Variants in TIFAB observed in about 807,000 individuals in gnomAD.
TIFAB encodes the protein TRAF-interacting protein with FHA domain-containing protein B.
For missense variants in TIFAB, 222 were observed against 203.6 expected, an observed-to-expected ratio of 1.09 and a Z score of -0.55; for synonymous variants, 116 against 95.2, an observed-to-expected ratio of 1.22 and a Z score of -1.27.
At position 135,450,074 on chromosome 5, in the gene TIFAB, G is replaced by A. The variant is rs114130971; in HGVS notation, c.-10-125C>T. On this transcript the variant is annotated intron_variant, in intron 1 of 1. Transcript: ENST00000537858. The stretch of plus-strand genomic sequence containing the variant: ...CTGTTCATACAATCACTCTGCCCAA[G>A]CCAGGATGGAGCCAAGGCTGGAATT... The A allele has an allele frequency of 1.4e-3, 1,808 of 1,310,434 alleles. 29 individuals are homozygous for A. In the African/African-American group the frequency reaches 0.024, roughly 18 times the overall value. 81.2% of individuals were successfully genotyped at this position (1,310,434 alleles called of 1,614,324 possible).
At position 135,444,291 on chromosome 5, in the gene TIFAB, C is replaced by G. The variant is rs558237424; in HGVS notation, c.*5163G>C. 1 of 152,352 alleles carries G rather than the reference C, an allele frequency of 6.6e-6. No homozygotes were observed. Among genetic ancestry groups the G allele is most frequent in the Non-Finnish European group, 1.5e-5 (1 of 68,042 alleles). 9.4% of individuals were successfully genotyped at this position (152,352 alleles called of 1,614,324 possible). The stretch of plus-strand genomic sequence containing the variant: ...AAAGGTAAGAGGAATCACAGCCCTG[C>G]AATTCAAATAGGGTTCATTAAATTC... On this transcript the variant is annotated 3_prime_UTR_variant, in exon 2 of 2. Transcript: ENST00000537858.
chr5:135,444,369 G>A lies in TIFAB; in HGVS notation c.*5085C>T, dbSNP rs1385174773. 1 of 152,304 alleles carries A rather than the reference G, an allele frequency of 6.6e-6. No homozygotes were observed. Among genetic ancestry groups the A allele is most frequent in the Non-Finnish European group, 1.5e-5 (1 of 68,082 alleles). 9.4% of individuals were successfully genotyped at this position (152,304 alleles called of 1,614,324 possible). A position where few individuals can be genotyped will look rare whatever the true frequency, so the allele number is the denominator to read the frequency against. ...GTTTACTCCTCCCACAGTCTTGGATGGGTTTTGAGGGTCTGGTGCGGTGTC... is the reference window on the plus strand; with the variant it reads ...GTTTACTCCTCCCACAGTCTTGGATAGGTTTTGAGGGTCTGGTGCGGTGTC... On this transcript the variant is annotated 3_prime_UTR_variant, in exon 2 of 2. Transcript: ENST00000537858.
Position 135,446,783 on chromosome 5 carries a change from G to C in TIFAB, c.*2671C>G. The C allele has an allele frequency of 6.2e-7, 1 of 1,613,960 alleles. No homozygotes were observed. The highest frequency in any genetic ancestry group is 8.5e-7 in the Non-Finnish European group (1 of 1,179,852). ...TCTGCTGCTATGCAGTTCATCCTGG[G>C]TCCCTGAGGGCCTCGCAGATGCTTC... is the stretch of plus-strand genomic sequence containing the variant. On this transcript the variant is annotated 3_prime_UTR_variant, in exon 2 of 2. Coordinates refer to ENST00000537858, the MANE Select transcript of TIFAB (RefSeq NM_001099221.2).
In TIFAB at chr5:135,449,679, A is replaced by T; in HGVS notation, c.261T>A (p.Asn87Lys). ...ALSRKGCVWV[N>K]GLTLRYLEQV... ...GCTCCAGGTACCTCAGCGTCAGCCC[A>T]TTGACCCACACACAGCCCTTGCGGC... Residue 87 changes from asparagine (N) to lysine (K), a missense_variant, in exon 2 of 2, where the codon AAT becomes AAA. Asn to Lys is a moderately conservative substitution (Grantham distance 94). Coordinates refer to ENST00000537858, the MANE Select transcript of TIFAB (RefSeq NM_001099221.2). The T allele has an allele frequency of 2.5e-6, 4 of 1,614,160 alleles. No homozygotes were observed. The highest frequency in any genetic ancestry group is 3.4e-6 in the Non-Finnish European group (4 of 1,180,050).
chr5:135,447,198 C>T lies in TIFAB; in HGVS notation c.*2256G>A, dbSNP rs919119813. Reference sequence around the variant, plus strand: ...GGCTTCTTCTCCTTGCCAGCCCTACCAGGGCATCTCCCATTATACTAACCC... The same window carrying T: ...GGCTTCTTCTCCTTGCCAGCCCTACTAGGGCATCTCCCATTATACTAACCC... On this transcript the variant is annotated 3_prime_UTR_variant, in exon 2 of 2. Transcript: ENST00000537858. The T allele has an allele frequency of 6.6e-7, 1 of 1,517,780 alleles. No individual in the cohort carries two copies. The highest frequency in any genetic ancestry group is 9.1e-7 in the Non-Finnish European group (1 of 1,104,118). The allele number at this position is 1,517,780 out of a possible 1,614,324, so 94.0% of individuals were successfully genotyped here. A position where few individuals can be genotyped will look rare whatever the true frequency, so the allele number is the denominator to read the frequency against.
At chr5:135,450,161 G>C (rs1290508739) in intron 1 of TIFAB, among the ~76,000 whole-genome samples, 1 of 152,216 alleles carries the variant, frequency 6.6e-6, no homozygotes, top group East Asian at 1.9e-4. Flanking sequence ...CACCCACTCT[G>C]TCTGACTTTT....
chr5:135,449,480 C>T lies in TIFAB; in HGVS notation c.460G>A (p.Gly154Arg), dbSNP rs780085168. ...ETDEWEGISQ[G>R]QPPPGSG ...TACCCTGAACCAGGGGGAGGCTGCC[C>T]CTGGGAGATGCCTTCCCATTCGTCA... Residue 154 changes from glycine to arginine, a missense_variant, in exon 2 of 2, where the codon GGG becomes AGG. Transcript: ENST00000537858. 1.2e-6 allele frequency: 2 copies of T among 1,614,076 alleles called. No homozygotes were observed. Among genetic ancestry groups the T allele is most frequent in the Non-Finnish European group, 1.7e-6 (2 of 1,180,038 alleles).
Position 135,449,730 on chromosome 5 carries a change from C to A in TIFAB, c.210G>T (p.Leu70=). ...TCAGGGCCTTGAGGCAGAAGGCCAGCAGGGCACTGCCTTTCTCCAGGTAGG... is the reference window on the plus strand; with the variant it reads ...TCAGGGCCTTGAGGCAGAAGGCCAGAAGGGCACTGCCTTTCTCCAGGTAGG... ...LEPYLEKGSA[L]LAFCLKALSR... The change falls in exon 2 of 2, where the codon CTG becomes CTT. Residue 70 remains leucine, a synonymous_variant. Transcript: ENST00000537858. 6 of 1,614,058 alleles carry A rather than the reference C, an allele frequency of 3.7e-6. No individual in the cohort carries two copies. The highest frequency in any genetic ancestry group is 5.1e-6 in the Non-Finnish European group (6 of 1,180,004).
In TIFAB at chr5:135,446,649, C is replaced by T. The variant is rs766851311; in HGVS notation, c.*2805G>A. On this transcript the variant is annotated 3_prime_UTR_variant, in exon 2 of 2. Coordinates refer to ENST00000537858, the MANE Select transcript of TIFAB (RefSeq NM_001099221.2). ...ACTGCCTTAAAAACTTGGTACAGGG[C>T]AAGGTGTGAGTTTCCCGGTGAGACT... The T allele has an allele frequency of 1.2e-6, 2 of 1,613,900 alleles. No individual in the cohort carries two copies. The highest frequency in any genetic ancestry group is 2.7e-5 in the African/African-American group (2 of 74,932).
Position 135,447,104 on chromosome 5 carries a change from T to C in TIFAB, c.*2350A>G. ...CTGTATGTGGGTTGCTGCTCCGTAA[T>C]GCATAGTTGGGGGACCATTTTGGTC... On this transcript the variant is annotated 3_prime_UTR_variant, in exon 2 of 2. Coordinates refer to ENST00000537858, the MANE Select transcript of TIFAB (RefSeq NM_001099221.2). 1 of 1,614,048 alleles carries C rather than the reference T, an allele frequency of 6.2e-7. No homozygotes were observed. Among genetic ancestry groups the C allele is most frequent in the Non-Finnish European group, 8.5e-7 (1 of 1,179,912 alleles).
rs764517840 is a variant in TIFAB, at chr5:135,447,343, G to A, written c.*2111C>T. On this transcript the variant is annotated 3_prime_UTR_variant, in exon 2 of 2. Coordinates refer to ENST00000537858, the MANE Select transcript of TIFAB (RefSeq NM_001099221.2). Reference sequence around the variant, plus strand: ...TCACAGAGCACAGGTAAGCCCTTGGGTTCTGGAGCCAGCTTACTGGGGTGT... The same window carrying A: ...TCACAGAGCACAGGTAAGCCCTTGGATTCTGGAGCCAGCTTACTGGGGTGT... The A allele has an allele frequency of 4.6e-4, 269 of 586,020 alleles. No homozygotes were observed. Among genetic ancestry groups the A allele is most frequent in the Non-Finnish European group, 7.0e-4 (227 of 325,164 alleles). 36.3% of individuals were successfully genotyped at this position (586,020 alleles called of 1,614,324 possible). A position where few individuals can be genotyped will look rare whatever the true frequency, so the allele number is the denominator to read the frequency against.
rs748670770 is a variant in TIFAB at position 135,449,785 on chromosome 5, C to G, written c.155G>C (p.Arg52Pro). The change falls in exon 2 of 2, where the codon CGC becomes CCC. Residue 52 changes from arginine to proline, a missense_variant. Physicochemically the swap from Arg to Pro is moderately radical, Grantham distance 103 (BLOSUM62 -2). Transcript: ENST00000537858. ...QDAHLQLQLP[R>P]LSRRHLSLEP... ...CAGGGACAGGTGACGGCGGGAGAGG[C>G]GAGGGAGCTGCAGCTGGAGGTGGGC... The G allele has an allele frequency of 3.1e-6, 5 of 1,610,970 alleles. No individual in the cohort carries two copies. The East Asian group carries it at 6.7e-5, about 22-fold the overall frequency.
chr5:135,446,168 T>C lies in TIFAB; in HGVS notation c.*3286A>G. On this transcript the variant is annotated 3_prime_UTR_variant, in exon 2 of 2. Transcript: ENST00000537858. ...GGTAAGTACTGTGAACTTTCCCGTT[T>C]TCTACAAGAAGAAACTGTGGCACGG... 1.7e-6 allele frequency: 1 copy of C among 603,132 alleles called. No individual in the cohort carries two copies. Among genetic ancestry groups the C allele is most frequent in the Non-Finnish European group, 2.7e-6 (1 of 363,724 alleles). 37.4% of individuals were successfully genotyped at this position (603,132 alleles called of 1,614,324 possible). A position where few individuals can be genotyped will look rare whatever the true frequency, so the allele number is the denominator to read the frequency against.
At position 135,446,479 on chromosome 5, in the gene TIFAB, T is replaced by C; in HGVS notation, c.*2975A>G. ...TCTGGCTGTCTGAGCAGGTGAGGGA[T>C]AGTGATATCAAGTGCGAAGACCAGG... On this transcript the variant is annotated 3_prime_UTR_variant, in exon 2 of 2. Transcript: ENST00000537858. The C allele has an allele frequency of 2.5e-6, 4 of 1,613,858 alleles. No homozygotes were observed. The highest frequency in any genetic ancestry group is 2.5e-6 in the Non-Finnish European group (3 of 1,179,856).
In TIFAB at chr5:135,449,518, T is replaced by A; in HGVS notation, c.422A>T (p.Glu141Val). The change falls in exon 2 of 2, where the codon GAG (glutamate) becomes GTG (valine). Residue 141 changes from glutamate to valine, a missense_variant. By Grantham distance (121) the Glu-to-Val change is moderately radical (BLOSUM62 -2). Transcript: ENST00000537858. ...TTCCCATTCGTCAGTTTCCTCAGCC[T>A]CAGGTCTGTAAATCAGGGGTGAAGG... ...VSPSPLIYRP[E>V]AEETDEWEGI... 1 of 1,614,168 alleles carries A rather than the reference T, an allele frequency of 6.2e-7. No individual in the cohort carries two copies. Among genetic ancestry groups the A allele is most frequent in the Non-Finnish European group, 8.5e-7 (1 of 1,180,032 alleles).
chr5:135,446,221 C>G lies in TIFAB; in HGVS notation c.*3233G>C, dbSNP rs566760598. Reference sequence around the variant, plus strand: ...AGATTCAGTTACTTGTCCAGGATCACAGAACTATAGTAAGTGGGGGTGGGG... The same window carrying G: ...AGATTCAGTTACTTGTCCAGGATCAGAGAACTATAGTAAGTGGGGGTGGGG... On this transcript the variant is annotated 3_prime_UTR_variant, in exon 2 of 2. Coordinates refer to ENST00000537858, the MANE Select transcript of TIFAB (RefSeq NM_001099221.2). 6.5e-6 allele frequency: 6 copies of G among 920,946 alleles called. No homozygotes were observed. The Admixed American group carries it at 1.3e-4, about 21-fold the overall frequency. 57.0% of individuals were successfully genotyped at this position (920,946 alleles called of 1,614,324 possible).
Position 135,449,662 on chromosome 5 carries a change from T to G in TIFAB, c.278A>C (p.Tyr93Ser). 3 of 1,614,152 alleles carry G rather than the reference T, an allele frequency of 1.9e-6. No homozygotes were observed. Among genetic ancestry groups the G allele is most frequent in the Non-Finnish European group, 2.5e-6 (3 of 1,180,032 alleles). ...CVWVNGLTLR[Y>S]LEQVPLSTVN... is the part of the protein sequence containing the mutation. ...GGTGCTCAGGGGGACCTGCTCCAGG[T>G]ACCTCAGCGTCAGCCCATTGACCCA... Residue 93 changes from tyrosine to serine, a missense_variant, in exon 2 of 2, where the codon TAC becomes TCC. By Grantham distance (144) the Tyr-to-Ser change is moderately radical. Transcript: ENST00000537858.
In TIFAB at chr5:135,447,099, C is replaced by T. The variant is rs761606599; in HGVS notation, c.*2355G>A. 3.0e-5 allele frequency: 49 copies of T among 1,613,914 alleles called. No homozygotes were observed. Among genetic ancestry groups the T allele is most frequent in the South Asian group, 2.1e-4 (19 of 91,084 alleles). The stretch of plus-strand genomic sequence containing the variant: ...GAGTTCTGTATGTGGGTTGCTGCTC[C>T]GTAATGCATAGTTGGGGGACCATTT... On this transcript the variant is annotated 3_prime_UTR_variant, in exon 2 of 2. Transcript: ENST00000537858.
Position 135,445,068 on chromosome 5 carries a change from C to T in TIFAB, c.*4386G>A, listed in dbSNP as rs770522182. 1 of 152,260 alleles carries T rather than the reference C, an allele frequency of 6.6e-6. No homozygotes were observed. The highest frequency in any genetic ancestry group is 1.5e-5 in the Non-Finnish European group (1 of 68,100). 9.4% of individuals were successfully genotyped at this position (152,260 alleles called of 1,614,324 possible). The stretch of plus-strand genomic sequence containing the variant: ...AGACTTGGTGGGCAACAGGCCTGGG[C>T]TCAGTCCAGCCAGCCCAACCTCTGA... On this transcript the variant is annotated 3_prime_UTR_variant, in exon 2 of 2. Transcript: ENST00000537858.
Sources: gnomAD v4.1 joint callset for allele counts (sites outside exome capture counted in the v4.1 genomes callset) on GRCh38, gnomAD v4.1.1 for gene constraint, MANE v1.5 for transcripts, NCBI Gene and HGNC (gene_info 2026-07-23, HGNC 2026-07-21) for gene names.